RNGTT: variants seen among roughly 807,000 people sequenced by gnomAD.
RNGTT encodes mRNA-capping enzyme.
Under a neutral mutation model 79.3 loss-of-function variants are expected in RNGTT, and 33 were observed. The observed-to-expected ratio is 0.42, with a 90% CI of 0.32 to 0.56. RNGTT has a LOEUF of 0.56. Ranked by LOEUF, RNGTT falls within the 20% of genes least tolerant of loss-of-function variation. RNGTT has a pLI of 0.17. For synonymous variants in RNGTT, 222 were observed against 235.9 expected (o/e 0.94, Z 0.54); for missense variants, 497 against 739.1 (o/e 0.67, Z 3.80).
rs113783396 is a variant in RNGTT at position 88,617,462 on chromosome 6, A to G, written c.1507-3067T>C. On this transcript the variant is annotated intron_variant, in intron 14 of 15. Transcript: ENST00000369485. ...TGATTGTCCCTTCCCATTGTGTAGT[A>G]TTGGCGCCCTTGTGGCAAATCATTT... is the stretch of plus-strand genomic sequence containing the variant. Among the ~76,000 whole-genome samples the G allele has an allele frequency of 7.9e-3, 1,203 of 152,268 alleles. 16 individuals carry two copies. Among genetic ancestry groups the G allele is most frequent in the African/African-American group, 0.026 (1,063 of 41,536 alleles).
At chr6:88,659,035 T>A (rs1774086991) in intron 14 of RNGTT, among the ~76,000 whole-genome samples, 1 of 152,106 alleles carries the variant, frequency 6.6e-6, no homozygotes, top group Non-Finnish European at 1.5e-5. Context: ...CCTAATAAAC[T>A]CCCCTTCATA....
At chr6:88,756,513 A>G (rs1393009765) in intron 13 of RNGTT, among the ~76,000 whole-genome samples, 3 of 152,154 alleles carry the variant, frequency 2.0e-5, no homozygotes, top group Non-Finnish European at 4.4e-5. Flanking sequence ...ACAAAGTAGA[A>G]GGAATAAAGC....
chr6:88,836,005 C>T (rs1468805920), intron 11 of RNGTT, among the ~76,000 whole-genome samples: 3 of 122,280 alleles, frequency 2.5e-5, no homozygotes, highest in Admixed American at 8.7e-5. Flanking sequence ...CACACACACA[C>T]ACACACACAC....
At chr6:88,756,953 A>T (rs1778037762) in intron 13 of RNGTT, among the ~76,000 whole-genome samples, 1 of 152,206 alleles carries the variant, frequency 6.6e-6, no homozygotes, top group Non-Finnish European at 1.5e-5. Flanking sequence ...CCCTAAAAAA[A>T]TTACACAATT....
intron 12 of RNGTT, among the ~76,000 whole-genome samples, chr6:88,776,771 G>A (rs1778902196): frequency 6.6e-6 from 1 of 151,606 alleles, no homozygotes. Flanking sequence ...CCCCTTATCA[G>A]ATATGTGCTT....
chr6:88,714,976 A>T (rs1187786733), intron 13 of RNGTT, among the ~76,000 whole-genome samples: 14 of 152,196 alleles, frequency 9.2e-5, no homozygotes, highest in Admixed American at 9.2e-4. Context: ...GCAATTAGCC[A>T]GGAGAAGGAA....
intron 11 of RNGTT, among the ~76,000 whole-genome samples, chr6:88,806,724 C>T (rs1382795534): frequency 6.6e-6 from 1 of 152,068 alleles, no homozygotes; most frequent in African/African-American, 2.4e-5. Context: ...ATCATTTGAC[C>T]CAGCAATCCC....
intron 12 of RNGTT, among the ~76,000 whole-genome samples, chr6:88,790,180 A>T (rs1779359092): frequency 6.6e-6 from 1 of 152,212 alleles, no homozygotes; most frequent in Admixed American, 6.5e-5. Flanking sequence ...TACTAAGTAC[A>T]TGCAAAGAAG....
At chr6:88,713,067 G>A (rs1478300705) in intron 13 of RNGTT, among the ~76,000 whole-genome samples, 5 of 152,088 alleles carry the variant, frequency 3.3e-5, no homozygotes, top group Non-Finnish European at 5.9e-5. Context: ...TATGTTATGG[G>A]CTGCATGTTT....
chr6:88,804,217 T>C (rs1239398673), intron 11 of RNGTT, among the ~76,000 whole-genome samples: 2 of 152,140 alleles, frequency 1.3e-5, no homozygotes, highest in Non-Finnish European at 2.9e-5. Context: ...GTAAAATCAC[T>C]CAGAACAGAT....
intron 6 of RNGTT, among the ~76,000 whole-genome samples, chr6:88,899,541 G>C (rs1227283807): frequency 1.3e-5 from 2 of 151,932 alleles, no homozygotes; most frequent in African/African-American, 4.8e-5. Flanking sequence ...GCCTCCCAAA[G>C]TGCTGAGATT....
intron 8 of RNGTT, among the ~76,000 whole-genome samples, chr6:88,874,361 T>C (rs1009492606): frequency 6.6e-6 from 1 of 152,094 alleles, no homozygotes; most frequent in Non-Finnish European, 1.5e-5. Flanking sequence ...TAAACAACAT[T>C]TTAATTTTTA....
At chr6:88,866,190 A>G (rs1206749872) in intron 8 of RNGTT, among the ~76,000 whole-genome samples, 1 of 152,172 alleles carries the variant, frequency 6.6e-6, no homozygotes, top group East Asian at 1.9e-4. Context: ...CTTCCGTGGG[A>G]TAGAATATGC....
chr6:88,776,216 C>T (rs1778873248), intron 12 of RNGTT, among the ~76,000 whole-genome samples: 1 of 151,906 alleles, frequency 6.6e-6, no homozygotes, highest in African/African-American at 2.4e-5. Flanking sequence ...CTTGTATTTT[C>T]GATAATAGCC....
intron 1 of RNGTT, among the ~76,000 whole-genome samples, chr6:88,958,149 T>C (rs993061690): frequency 3.3e-5 from 5 of 152,142 alleles, no homozygotes; most frequent in Non-Finnish European, 7.4e-5. Context: ...ATTCAACAAA[T>C]GGTCCTGGGA....
intron 11 of RNGTT, among the ~76,000 whole-genome samples, chr6:88,821,092 G>A (rs557694592): frequency 2.0e-5 from 3 of 151,964 alleles, no homozygotes; most frequent in East Asian, 1.9e-4. Flanking sequence ...GTATAATATC[G>A]GCAAAAGAAC....
chr6:88,741,038 A>G (rs1219031166), intron 13 of RNGTT, among the ~76,000 whole-genome samples: 1 of 152,164 alleles, frequency 6.6e-6, no homozygotes, highest in African/African-American at 2.4e-5. Context: ...AATAGTTTGG[A>G]GATTTCTGAA....
At chr6:88,708,647 G>T (rs1467639029) in intron 13 of RNGTT, among the ~76,000 whole-genome samples, 2 of 152,116 alleles carry the variant, frequency 1.3e-5, no homozygotes, top group African/African-American at 2.4e-5. Flanking sequence ...TCTCTGCCCG[G>T]CAGTGCTGTT....
intron 2 of RNGTT, among the ~76,000 whole-genome samples, chr6:88,937,415 T>C (rs1362308740): frequency 6.6e-6 from 1 of 152,188 alleles, no homozygotes; most frequent in South Asian, 2.1e-4. Context: ...CTCTTTCTCA[T>C]TTCTGATTTA....
Sources: gnomAD v4.1 joint callset for allele counts (sites outside exome capture counted in the v4.1 genomes callset) on GRCh38, gnomAD v4.1.1 for gene constraint, MANE v1.5 for transcripts, NCBI Gene and HGNC (gene_info 2026-07-23, HGNC 2026-07-21) for gene names.